The following TFCP2L1 variants were observed in gnomAD, a reference collection of about 807,000 sequenced individuals.
TFCP2L1 encodes transcription factor CP2 like 1.
A neutral mutation model predicts 72.2 loss-of-function variants in TFCP2L1; 12 were observed. That is an observed-to-expected ratio of 0.17 (90% CI 0.11 to 0.27). TFCP2L1 has a LOEUF of 0.27. Ranked by LOEUF, TFCP2L1 falls within the 10% of genes least tolerant of loss-of-function variation. The pLI, the probability that TFCP2L1 is intolerant of heterozygous loss-of-function variation, is 1.00. For synonymous variants in TFCP2L1, 260 were observed against 251.0 expected, an observed-to-expected ratio of 1.04 and a Z score of -0.34; for missense variants, 488 against 624.6, an observed-to-expected ratio of 0.78 and a Z score of 2.33.
chr2:121,228,110 C>T (rs1429434728), intron 13 of TFCP2L1, among the ~76,000 whole-genome samples: 4 of 152,214 alleles, frequency 2.6e-5, no homozygotes, highest in Admixed American at 6.5e-5. Context: ...CCAATAGATT[C>T]GGGGTTAAGA....
chr2:121,229,071 C>T (rs1158550456), intron 13 of TFCP2L1, among the ~76,000 whole-genome samples: 1 of 152,088 alleles, frequency 6.6e-6, no homozygotes, highest in Non-Finnish European at 1.5e-5. Flanking sequence ...AGGCACCCAC[C>T]ATGCCCAACT....
Position 121,239,938 on chromosome 2 carries a change from T to C in TFCP2L1, c.769-289A>G, listed in dbSNP as rs1297760902. 6.0e-6 allele frequency: 4 copies of C among 670,776 alleles called. No individual in the cohort carries two copies. The Admixed American group carries it at 1.9e-4, about 32-fold the overall frequency. 41.6% of individuals were successfully genotyped at this position (670,776 alleles called of 1,614,324 possible). On this transcript the variant is annotated intron_variant, in intron 7 of 14. Transcript: ENST00000263707. ...AACCAGAGGGGAAACATCACAGTCA[T>C]GTGATTCTTGGGTCCACGAGAGAGA...
chr2:121,281,241 C>G lies in TFCP2L1; in HGVS notation c.93G>C (p.Gln31His). 1 of 1,610,308 alleles carries G rather than the reference C, an allele frequency of 6.2e-7. No individual in the cohort carries two copies. Among genetic ancestry groups the G allele is most frequent in the Non-Finnish European group, 8.5e-7 (1 of 1,178,766 alleles). ...TCTCGGGGGACAGCTGGGGTTCCTC[C>G]TGCTTGAAGATGGGCAGAGCGAGCA... ...RDVLALPIFK[Q>H]EEPQLSPENE... Residue 31 changes from glutamine to histidine, a missense_variant, in exon 2 of 15, where the codon CAG becomes CAC. This residue lies in a region of TFCP2L1 where 73 missense variants were observed against 59.7 expected (regional missense o/e 1.22). Coordinates refer to ENST00000263707, the MANE Select transcript of TFCP2L1 (RefSeq NM_014553.3).
At chr2:121,253,967 A>G (rs1686661194) in intron 2 of TFCP2L1, among the ~76,000 whole-genome samples, 2 of 152,206 alleles carry the variant, frequency 1.3e-5, no homozygotes, top group African/African-American at 4.8e-5. Flanking sequence ...AAAGCCACGC[A>G]GAAGGCCACC....
chr2:121,234,006 A>G, intron 12 of TFCP2L1, 85 bp downstream of exon 12: 1 of 1,233,482 alleles, frequency 8.1e-7, no homozygotes, highest in Non-Finnish European at 1.2e-6. Context: ...CATTCACTGG[A>G]AATGAACAGA....
chr2:121,224,348 C>T lies in TFCP2L1; in HGVS notation c.1433G>A (p.Gly478Glu). The T allele has an allele frequency of 6.2e-7, 1 of 1,613,986 alleles. No homozygotes were observed. The highest frequency in any genetic ancestry group is 8.5e-7 in the Non-Finnish European group (1 of 1,180,010). Residue 478 changes from glycine to glutamate, a missense_variant, in exon 15 of 15, where the codon GGA (glycine) becomes GAA (glutamate). This residue lies in a region of TFCP2L1 where 286 missense variants were observed against 329.0 expected (regional missense o/e 0.87). Transcript: ENST00000263707. The stretch of plus-strand genomic sequence containing the variant: ...TATGAGGTCCACTGCTGCTCAGAGT[C>T]CACATTTCAGGATGATGTGGTAGCC... Reference protein sequence around the residue: ...NDGYHIILKCGL With the variant: ...NDGYHIILKCEL
chr2:121,264,117 G>A (rs1240277914), intron 2 of TFCP2L1, among the ~76,000 whole-genome samples: 4 of 152,194 alleles, frequency 2.6e-5, no homozygotes, highest in African/African-American at 9.6e-5. Context: ...GGGGGAACCC[G>A]TGTGCCGGGC....
chr2:121,263,136 C>T (rs891115480), intron 2 of TFCP2L1, among the ~76,000 whole-genome samples: 11 of 152,050 alleles, frequency 7.2e-5, no homozygotes, highest in Non-Finnish European at 1.3e-4. Context: ...GGTTTCTCCA[C>T]GTTGATCAGG....
chr2:121,238,344 G>A (rs1018592338), intron 8 of TFCP2L1, among the ~76,000 whole-genome samples: 10 of 152,262 alleles, frequency 6.6e-5, no homozygotes, highest in African/African-American at 1.9e-4. Context: ...ACAAGCACCC[G>A]CAGCTTGACA....
chr2:121,275,398 C>CAAAA lies in TFCP2L1; in HGVS notation c.214+5718_214+5721dup, dbSNP rs575514638. ...TGGGCGACAGCACGAGACTCCATCT[C>CAAAA]AAAAAAAAAAAAAAAAAGAAATAAC... On this transcript the variant is annotated intron_variant, in intron 2 of 14. Transcript: ENST00000263707. 1.9e-3 allele frequency among the ~76,000 whole-genome samples: 123 copies of CAAAA among 65,732 alleles called. 2 individuals are homozygous for CAAAA. The highest frequency in any genetic ancestry group is 5.1e-3 in the African/African-American group (75 of 14,592). 43.1% of individuals were successfully genotyped at this position (65,732 alleles called of 152,430 possible). A position where few individuals can be genotyped will look rare whatever the true frequency, so the allele number is the denominator to read the frequency against.
intron 2 of TFCP2L1, among the ~76,000 whole-genome samples, chr2:121,277,983 A>T (rs1431717981): frequency 6.6e-6 from 1 of 151,946 alleles, no homozygotes; most frequent in African/African-American, 2.4e-5. Context: ...AAATATACCA[A>T]ATTAACATGA....
chr2:121,231,928 C>T lies in TFCP2L1; in HGVS notation c.1239G>A (p.Glu413=). The change falls in exon 13 of 15, where the codon GAG becomes GAA. Residue 413 remains glutamate, a synonymous_variant. Coordinates refer to ENST00000263707, the MANE Select transcript of TFCP2L1 (RefSeq NM_014553.3). ...ACAGGTTGGCGATCTTCTCAATCAG[C>T]TCCAAGGTGGTCAGCTCTTCCAGGA... is the stretch of plus-strand genomic sequence containing the variant. ...AIFLEELTTL[E]LIEKIANLYS... 6.2e-7 allele frequency: 1 copy of T among 1,611,858 alleles called. No homozygotes were observed. The highest frequency in any genetic ancestry group is 8.5e-7 in the Non-Finnish European group (1 of 1,178,586).
At position 121,234,131 on chromosome 2, in the gene TFCP2L1, C is replaced by A; in HGVS notation, c.1158G>T (p.Leu386=). 1 of 1,614,138 alleles carries A rather than the reference C, an allele frequency of 6.2e-7. No individual in the cohort carries two copies. The highest frequency in any genetic ancestry group is 8.5e-7 in the Non-Finnish European group (1 of 1,180,048). ...CQELEQNRVP[L]QQKRDGSGDS... ...CTCCACTGCCGTCCCGCTTCTGCTG[C>A]AGGGGCACTCGATTCTGCTCCAGCT... Residue 386 remains leucine (L), a synonymous_variant, in exon 12 of 15, where the codon CTG becomes CTT. Coordinates refer to ENST00000263707, the MANE Select transcript of TFCP2L1 (RefSeq NM_014553.3).
Position 121,235,492 on chromosome 2 carries a change from G to A in TFCP2L1, c.1004-181C>T, listed in dbSNP as rs369887538. ...ATCAAAAGATTGCAGCCCAGGAAGT[G>A]CCAGTGCTCACAACAGTGAGTACAA... On this transcript the variant is annotated intron_variant, in intron 10 of 14. Transcript: ENST00000263707. Among the ~76,000 whole-genome samples, 11 of 151,736 alleles carry A rather than the reference G, an allele frequency of 7.2e-5. No individual in the cohort carries two copies. The East Asian group carries it at 9.7e-4, about 13-fold the overall frequency.
chr2:121,277,221 CA>C (rs1271919603), intron 2 of TFCP2L1, among the ~76,000 whole-genome samples: 3 of 152,066 alleles, frequency 2.0e-5, no homozygotes, highest in Admixed American at 6.5e-5. Context: ...AATTTAAGGC[CA>C]GGGGTGGTGG....
chr2:121,231,982 G>A lies in TFCP2L1; in HGVS notation c.1199-14C>T, dbSNP rs1686152749. The A allele has an allele frequency of 6.4e-7, 1 of 1,566,736 alleles. No individual in the cohort carries two copies. Reference sequence around the variant, plus strand: ...TGGCGTGGTACACTGGGGGAAGGAGGAGCAAGTGCTGCTTTCCAAGTGGCC... The same window carrying A: ...TGGCGTGGTACACTGGGGGAAGGAGAAGCAAGTGCTGCTTTCCAAGTGGCC... On this transcript the variant is annotated splice_polypyrimidine_tract_variant and intron_variant, in intron 12 of 14. Transcript: ENST00000263707.
intron 5 of TFCP2L1, 56 bp from the exon 6 acceptor site, chr2:121,247,026 G>A: frequency 6.2e-7 from 1 of 1,601,744 alleles, no homozygotes; most frequent in Non-Finnish European, 8.5e-7. Flanking sequence ...GGTGCCCCTG[G>A]ATCCCCCAAG....
At chr2:121,227,033 C>T (rs978124419) in intron 13 of TFCP2L1, among the ~76,000 whole-genome samples, 1 of 152,306 alleles carries the variant, frequency 6.6e-6, no homozygotes, top group East Asian at 1.9e-4. Context: ...TCATGCTCCT[C>T]GGCAGTGCCA....
chr2:121,283,477 C>G (rs1040080956), intron 1 of TFCP2L1, among the ~76,000 whole-genome samples: 4 of 152,150 alleles, frequency 2.6e-5, no homozygotes, highest in Non-Finnish European at 5.9e-5. Context: ...CATGGTCCCC[C>G]GATGACCCCA....
Sources: gnomAD v4.1 joint callset for allele counts (sites outside exome capture counted in the v4.1 genomes callset) on GRCh38, gnomAD v4.1.1 for gene constraint, gnomAD v4.1.1 regional missense constraint, MANE v1.5 for transcripts, NCBI Gene and HGNC (gene_info 2026-07-23, HGNC 2026-07-21) for gene names.